The following ABCA13 variants were observed in gnomAD, a reference collection of about 807,000 sequenced individuals.
ABCA13 encodes ATP-binding cassette sub-family A member 13.
ABCA13 carries 476 observed loss-of-function variants against 478.7 expected under a neutral mutation model. The ratio of observed to expected loss-of-function variants is 0.99; its 90% CI spans 0.92 to 1.07. ABCA13 has a LOEUF of 1.07. Among genes scored for constraint, ABCA13 ranks in the 50% least tolerant of loss-of-function variants. ABCA13 has a pLI of 0.00. For missense variants in ABCA13, 6,060 were observed against 5,910.6 expected, an observed-to-expected ratio of 1.03 and a Z score of -0.83; for synonymous variants, 2,252 against 2,158.9, an observed-to-expected ratio of 1.04 and a Z score of -1.20.
At chr7:48,477,333 G>A (rs1017966944) in intron 45 of ABCA13, among the ~76,000 whole-genome samples, 4 of 152,094 alleles carry the variant, frequency 2.6e-5, no homozygotes, top group African/African-American at 9.7e-5. Flanking sequence ...TCAGTATGGC[G>A]ATTCCTCAGG....
intron 48 of ABCA13, among the ~76,000 whole-genome samples, chr7:48,490,136 G>A (rs1829712684): frequency 6.6e-6 from 1 of 151,954 alleles, no homozygotes; most frequent in Admixed American, 6.6e-5. Context: ...TTTTAACAAA[G>A]TAAATTTAAT....
chr7:48,352,398 A>G lies in ABCA13; in HGVS notation c.10599A>G (p.Arg3533=). ...CCCCACTGCAAGACATGATCGAAAG[A>G]GCCATCATTTTGGTGCAGACTGGGC... ...VFAPLQDMIE[R]AIILVQTGQE... The change falls in exon 31 of 62, where the codon AGA becomes AGG. Residue 3533 remains arginine (R), a synonymous_variant. Coordinates refer to ENST00000435803, the MANE Select transcript of ABCA13 (RefSeq NM_152701.5). The G allele has an allele frequency of 1.2e-6, 2 of 1,613,544 alleles. No homozygotes were observed. Among genetic ancestry groups the G allele is most frequent in the Non-Finnish European group, 1.7e-6 (2 of 1,179,800 alleles).
At chr7:48,440,249 G>A (rs1823399969) in intron 42 of ABCA13, among the ~76,000 whole-genome samples, 2 of 152,126 alleles carry the variant, frequency 1.3e-5, no homozygotes, top group South Asian at 2.1e-4. Flanking sequence ...CAGTACTTCA[G>A]CAGGCACCCT....
chr7:48,506,795 G>T (rs1461260491), intron 49 of ABCA13, among the ~76,000 whole-genome samples: 1 of 152,106 alleles, frequency 6.6e-6, no homozygotes, highest in Non-Finnish European at 1.5e-5. Flanking sequence ...GATCCAGATG[G>T]AGACATGGGT....
chr7:48,187,000 C>CAT (rs1432692849), intron 1 of ABCA13, among the ~76,000 whole-genome samples: 4 of 129,950 alleles, frequency 3.1e-5, no homozygotes, highest in South Asian at 2.6e-4. Context: ...TGTGTATATG[C>CAT]ATATATATAT....
chr7:48,496,968 G>GTTT (rs148786592), intron 48 of ABCA13, among the ~76,000 whole-genome samples: 4 of 149,118 alleles, frequency 2.7e-5, no homozygotes, highest in African/African-American at 9.8e-5. Context: ...TAGGTTTATG[G>GTTT]TTTTTTTTTG....
chr7:48,274,829 T>G lies in ABCA13; in HGVS notation c.5163T>G (p.His1721Gln), dbSNP rs756848601. Residue 1721 changes from histidine to glutamine, a missense_variant, in exon 17 of 62, where the codon CAT becomes CAG. Transcript: ENST00000435803. ...TGGAAAAATTTGCAGACAGCTCACA[T>G]TCTTGGAATGTTAATCATCTGCTGC... ...GLMEKFADSS[H>Q]SWNVNHLLQL... 14 of 1,613,820 alleles carry G rather than the reference T, an allele frequency of 8.7e-6. No individual in the cohort carries two copies. In the South Asian group the frequency reaches 1.3e-4, roughly 15 times the overall value.
intron 5 of ABCA13, among the ~76,000 whole-genome samples, chr7:48,225,302 C>A (rs1233273283): frequency 6.8e-6 from 1 of 147,596 alleles, no homozygotes; most frequent in Non-Finnish European, 1.5e-5. Flanking sequence ...TGGAACCATC[C>A]ATTTTTTTCC....
chr7:48,471,445 C>A, intron 44 of ABCA13, 85 bp from the exon 45 acceptor site: 1 of 1,235,418 alleles, frequency 8.1e-7, no homozygotes, highest in Non-Finnish European at 1.2e-6. Flanking sequence ...GAACTCTGTT[C>A]TAGTCTGATG....
At chr7:48,311,673 C>A (rs1046241895) in intron 24 of ABCA13, among the ~76,000 whole-genome samples, 1 of 152,154 alleles carries the variant, frequency 6.6e-6, no homozygotes, top group African/African-American at 2.4e-5. Context: ...AAAATGACAT[C>A]ATCATTAATA....
chr7:48,476,941 A>C (rs1787890891), intron 45 of ABCA13, among the ~76,000 whole-genome samples: 1 of 152,148 alleles, frequency 6.6e-6, no homozygotes, highest in Admixed American at 6.5e-5. Context: ...GGAAAGGATA[A>C]AACATTTTAA....
At chr7:48,203,654 C>T (rs1353412808) in intron 3 of ABCA13, among the ~76,000 whole-genome samples, 1 of 152,248 alleles carries the variant, frequency 6.6e-6, no homozygotes. Context: ...TGAAGCACTG[C>T]AGGCAACAGA....
chr7:48,336,158 C>A (rs964385833), intron 28 of ABCA13, among the ~76,000 whole-genome samples: 1 of 152,144 alleles, frequency 6.6e-6, no homozygotes, highest in Non-Finnish European at 1.5e-5. Context: ...CCCCTGCCAC[C>A]AGTTGTGTGA....
At chr7:48,451,302 T>C (rs1825002138) in intron 42 of ABCA13, among the ~76,000 whole-genome samples, 1 of 152,136 alleles carries the variant, frequency 6.6e-6, no homozygotes, top group Non-Finnish European at 1.5e-5. Context: ...CCCAGCAAGA[T>C]GTTATAAATC....
intron 10 of ABCA13, among the ~76,000 whole-genome samples, chr7:48,243,309 C>T (rs1030475682): frequency 3.3e-5 from 5 of 152,224 alleles, no homozygotes; most frequent in Admixed American, 6.5e-5. Flanking sequence ...ATAAAATAAT[C>T]TCTTTCTCAC....
chr7:48,325,146 G>C (rs780773516), intron 27 of ABCA13, among the ~76,000 whole-genome samples: 2 of 152,158 alleles, frequency 1.3e-5, no homozygotes, highest in Admixed American at 1.3e-4. Flanking sequence ...ATTTGTGCCT[G>C]AGCAAATTTT....
chr7:48,631,918 T>C (rs1236992705), intron 59 of ABCA13, among the ~76,000 whole-genome samples: 1 of 152,148 alleles, frequency 6.6e-6, no homozygotes, highest in African/African-American at 2.4e-5. Context: ...GTATTTTGTG[T>C]TTTTGCAGCT....
In ABCA13 at chr7:48,297,331, A is replaced by C; in HGVS notation, c.9199+20A>C. The C allele has an allele frequency of 1.3e-6, 2 of 1,579,272 alleles. No individual in the cohort carries two copies. The highest frequency in any genetic ancestry group is 1.7e-6 in the Non-Finnish European group (2 of 1,159,768). On this transcript the variant is annotated intron_variant, in intron 22 of 61. Transcript: ENST00000435803. ...CTGAGGGTAAGTATGTGGTTTTCCA[A>C]GTTTGCTTGATTAAAAATTAAATTT...
At chr7:48,294,441 TGTTTTG>T (rs1287916195) in intron 20 of ABCA13, among the ~76,000 whole-genome samples, 6 of 125,832 alleles carry the variant, frequency 4.8e-5, no homozygotes, top group Admixed American at 1.6e-4. Flanking sequence ...TTTTTTTTTT[TGTTTTG>T]TTTTTTTTTT....
Sources: gnomAD v4.1 joint callset for allele counts (sites outside exome capture counted in the v4.1 genomes callset) on GRCh38, gnomAD v4.1.1 for gene constraint, MANE v1.5 for transcripts, NCBI Gene and HGNC (gene_info 2026-07-23, HGNC 2026-07-21) for gene names.